The following PRRC2B variants were observed in gnomAD, a reference collection of about 807,000 sequenced individuals.
PRRC2B encodes proline rich coiled-coil 2B, also known as protein PRRC2B.
Under a neutral mutation model 242.3 loss-of-function variants are expected in PRRC2B, and 68 were observed. That is an observed-to-expected ratio of 0.28 (90% confidence interval 0.23 to 0.34). PRRC2B has a LOEUF of 0.34. Among genes scored for constraint, PRRC2B ranks in the 10% least tolerant of loss-of-function variants. The probability of loss-of-function intolerance (pLI) is 1.00; values close to 1 mark genes in which losing one functional copy is unlikely to be tolerated. For synonymous variants in PRRC2B, 1,228 were observed against 1,173.6 expected (o/e 1.05, Z -0.95); for missense variants, 2,835 against 2,954.8 (o/e 0.96, Z 0.94).
chr9:131,489,856 C>T (rs1454544441), intron 28 of PRRC2B, among the ~76,000 whole-genome samples: 1 of 152,074 alleles, frequency 6.6e-6, no homozygotes, highest in Non-Finnish European at 1.5e-5. Flanking sequence ...GCCCCCCACA[C>T]CCCTCGAACC....
intron 1 of PRRC2B, among the ~76,000 whole-genome samples, chr9:131,407,321 G>C (rs927651416): frequency 6.6e-6 from 1 of 152,140 alleles, no homozygotes; most frequent in African/African-American, 2.4e-5. Context: ...GATGGTGGGT[G>C]GGGGAGGAGA....
Position 131,496,003 on chromosome 9 carries a change from C to T in PRRC2B, c.*129C>T. 8.1e-7 allele frequency: 1 copy of T among 1,235,050 alleles called. No individual in the cohort carries two copies. Among genetic ancestry groups the T allele is most frequent in the East Asian group, 2.5e-5 (1 of 39,848 alleles). The allele number at this position is 1,235,050 out of a possible 1,614,324, so 76.5% of individuals were successfully genotyped here. On this transcript the variant is annotated 3_prime_UTR_variant, in exon 32 of 32. Transcript: ENST00000683519. ...GCGTGGCCCAGACTGAGAGACCTCC[C>T]TCCTCTCCACTCCCGAAAGCTCCGT... is the stretch of plus-strand genomic sequence containing the variant.
intron 1 of PRRC2B, among the ~76,000 whole-genome samples, chr9:131,420,499 T>TG (rs889470295): frequency 1.1e-4 from 9 of 84,496 alleles, no homozygotes; most frequent in Non-Finnish European, 2.3e-4. Context: ...CTTTCTTTTT[T>TG]TTTTTTTTTT....
At position 131,482,890 on chromosome 9, in the gene PRRC2B, T is replaced by G; in HGVS notation, c.5356T>G (p.Phe1786Val). Residue 1786 changes from phenylalanine (F) to valine (V), a missense_variant, in exon 22 of 32, where the codon TTT (phenylalanine) becomes GTT (valine). Physicochemically the swap from Phe to Val is conservative, Grantham distance 50. Transcript: ENST00000683519. The surrounding 1 kb of genome is among the most constrained non-coding windows in gnomAD (Gnocchi z 5.2). Reference sequence around the variant, plus strand: ...CGTGCTGCCTGTGCCACCCATTGAATTTGGAGTCAGTCCAAAAGTGAGGCT... The same window carrying G: ...CGTGCTGCCTGTGCCACCCATTGAAGTTGGAGTCAGTCCAAAAGTGAGGCT... The part of the protein sequence containing the change: ...DSVLPVPPIE[F>V]GVSPKDSDFS... The G allele has an allele frequency of 6.2e-7, 1 of 1,607,210 alleles. No homozygotes were observed. Among genetic ancestry groups the G allele is most frequent in the Non-Finnish European group, 8.5e-7 (1 of 1,176,712 alleles).
At chr9:131,450,271 T>TC (rs1433347915) in intron 9 of PRRC2B, among the ~76,000 whole-genome samples, 3 of 151,686 alleles carry the variant, frequency 2.0e-5, no homozygotes, top group Non-Finnish European at 2.9e-5. Flanking sequence ...TCTTAAATTT[T>TC]TTTTTTTTTT....
intron 5 of PRRC2B, among the ~76,000 whole-genome samples, chr9:131,439,564 A>G (rs1262441189): frequency 1.3e-5 from 2 of 152,164 alleles, no homozygotes; most frequent in African/African-American, 4.8e-5. Context: ...CTTGGTCTTT[A>G]GTAGCCTGTA....
chr9:131,397,092 G>C (rs887397794), intron 1 of PRRC2B, among the ~76,000 whole-genome samples: 30 of 152,120 alleles, frequency 2.0e-4, no homozygotes, highest in Non-Finnish European at 3.8e-4. Context: ...ATTTTTCCTC[G>C]CTTCCTGCCT....
intron 1 of PRRC2B, among the ~76,000 whole-genome samples, chr9:131,420,508 T>TCTTTCCTTTCTTTCTTTC: frequency 7.7e-6 from 1 of 129,504 alleles, no homozygotes; most frequent in Non-Finnish European, 1.6e-5. Context: ...TTTTTTTTTT[T>TCTTTCCTTTCTTTCTTTC]TTGAGATGGA....
intron 13 of PRRC2B, among the ~76,000 whole-genome samples, chr9:131,469,289 G>A (rs1365041232): frequency 1.3e-5 from 2 of 152,088 alleles, no homozygotes; most frequent in East Asian, 1.9e-4. Flanking sequence ...AGCCGTGGTC[G>A]CACCACTGCC....
At chr9:131,387,149 G>A (rs2131267419) in intron 1 of PRRC2B, among the ~76,000 whole-genome samples, 1 of 150,274 alleles carries the variant, frequency 6.7e-6, no homozygotes, top group African/African-American at 2.4e-5. Context: ...TTACAGGCAT[G>A]CACCACCACG....
chr9:131,406,725 A>G (rs991285060), intron 1 of PRRC2B, among the ~76,000 whole-genome samples: 2 of 152,098 alleles, frequency 1.3e-5, no homozygotes, highest in Non-Finnish European at 2.9e-5. Context: ...TTGGAACAGT[A>G]TATGGTGTTG....
Position 131,475,649 on chromosome 9 carries a change from T to C in PRRC2B, c.3520T>C (p.Cys1174Arg). 6.2e-7 allele frequency: 1 copy of C among 1,611,044 alleles called. No individual in the cohort carries two copies. Among genetic ancestry groups the C allele is most frequent in the East Asian group, 2.2e-5 (1 of 44,818 alleles). ...GGAGAGCACCTTGAAGAAGGGCGAC[T>C]GCAGAGATTCTTGGCGGTCCAACAA... is the stretch of plus-strand genomic sequence containing the variant. ...REESTLKKGD[C>R]RDSWRSNKGC... The change falls in exon 16 of 32, where the codon TGC (cysteine) becomes CGC (arginine). Residue 1174 changes from cysteine (C) to arginine (R), a missense_variant. By Grantham distance (180) the Cys-to-Arg change is radical. Around this residue, in one of 7 missense-constraint regions of PRRC2B, gnomAD observed 1,536 missense variants for 1,483.1 expected, o/e 1.04. Coordinates refer to ENST00000683519, the MANE Select transcript of PRRC2B (RefSeq NM_013318.4).
In PRRC2B at chr9:131,494,547, A is replaced by G; in HGVS notation, c.6555+61A>G. The G allele has an allele frequency of 2.2e-6, 2 of 921,494 alleles. No individual in the cohort carries two copies. The highest frequency in any genetic ancestry group is 3.4e-6 in the Non-Finnish European group (2 of 586,216). The allele number at this position is 921,494 out of a possible 1,614,324, so 57.1% of individuals were successfully genotyped here. On this transcript the variant is annotated intron_variant, in intron 31 of 31. Coordinates refer to ENST00000683519, the MANE Select transcript of PRRC2B (RefSeq NM_013318.4). This position sits in a 1 kb window ranked among gnomAD's most constrained non-coding sequence, Gnocchi z 4.3. ...CACTTAGGCCCGTCTCCAAGCGCCA[A>G]AAGAGAAGGGACTGTCCAACCTATC...
rs1944365627 is a variant in PRRC2B at position 131,497,517 on chromosome 9, G to C, written c.*1643G>C. 6.6e-6 allele frequency: 1 copy of C among 152,208 alleles called. No individual in the cohort carries two copies. The highest frequency in any genetic ancestry group is 1.5e-5 in the Non-Finnish European group (1 of 68,074). The allele number at this position is 152,208 out of a possible 1,614,324, so 9.4% of individuals were successfully genotyped here. A position where few individuals can be genotyped will look rare whatever the true frequency, so the allele number is the denominator to read the frequency against. On this transcript the variant is annotated 3_prime_UTR_variant, in exon 32 of 32. Coordinates refer to ENST00000683519, the MANE Select transcript of PRRC2B (RefSeq NM_013318.4). ...CAGAGGCTGCCTTCAGCGTCTCACG[G>C]GTGCAGGACAGCGCTCAGGCTTGGG... is the stretch of plus-strand genomic sequence containing the variant.
At chr9:131,440,665 G>C (rs2131341310) in intron 5 of PRRC2B, among the ~76,000 whole-genome samples, 1 of 152,262 alleles carries the variant, frequency 6.6e-6, no homozygotes, top group Admixed American at 6.5e-5. Flanking sequence ...ATTGCAAACA[G>C]TCCCTTGAAA....
chr9:131,457,205 G>A (rs772649362), intron 10 of PRRC2B, among the ~76,000 whole-genome samples: 34 of 152,204 alleles, frequency 2.2e-4, no homozygotes, highest in Non-Finnish European at 3.4e-4. Context: ...TTTGATTTCA[G>A]CTGAAGCTTT....
At chr9:131,388,604 C>T (rs1020158568) in intron 1 of PRRC2B, among the ~76,000 whole-genome samples, 7 of 149,420 alleles carry the variant, frequency 4.7e-5, no homozygotes, top group African/African-American at 1.5e-4. Context: ...AGTGCAGTGG[C>T]GCGATCTTGG....
intron 28 of PRRC2B, among the ~76,000 whole-genome samples, chr9:131,489,251 C>T (rs906056349): frequency 6.8e-6 from 1 of 148,094 alleles, no homozygotes; most frequent in Non-Finnish European, 1.5e-5. Flanking sequence ...GTGGCGCAAT[C>T]TCGGCTCACT....
At chr9:131,384,313 C>T (rs936151336) in intron 1 of PRRC2B, among the ~76,000 whole-genome samples, 1 of 150,914 alleles carries the variant, frequency 6.6e-6, no homozygotes, top group African/African-American at 2.4e-5. Flanking sequence ...GGTGGAGTCT[C>T]ACTCTGTCAC....
Sources: allele counts gnomAD v4.1 joint callset (sites outside exome capture counted in the v4.1 genomes callset), GRCh38; gene constraint gnomAD v4.1.1; regional missense constraint gnomAD v4.1.1; non-coding constraint Gnocchi (gnomAD v3.1); transcripts MANE v1.5; gene names NCBI Gene and HGNC (gene_info 2026-07-23, HGNC 2026-07-21).